DGKG: variants seen among roughly 807,000 people sequenced by gnomAD.
DGKG encodes DAG kinase gamma.
DGKG carries 78 observed loss-of-function variants against 105.3 expected under a neutral mutation model. The observed-to-expected ratio is 0.74, with a 90% CI of 0.62 to 0.89. DGKG has a LOEUF of 0.89. DGKG is among the 40% of genes least tolerant of loss of function. DGKG has a pLI of 0.00. For synonymous variants in DGKG, 346 were observed against 367.1 expected (o/e 0.94, Z 0.66); for missense variants, 958 against 1,020.1 (o/e 0.94, Z 0.83).
intron 2 of DGKG, among the ~76,000 whole-genome samples, chr3:186,314,216 C>G (rs1018561930): frequency 7.8e-6 from 1 of 127,820 alleles, no homozygotes; most frequent in African/African-American, 3.0e-5. Flanking sequence ...CACACACACA[C>G]ACACACACAT....
Position 186,164,987 on chromosome 3 carries a change from C to T in DGKG, c.2127G>A (p.Gly709=), listed in dbSNP as rs200869883. 1 of 1,613,426 alleles carries T rather than the reference C, an allele frequency of 6.2e-7. No homozygotes were observed. The highest frequency in any genetic ancestry group is 2.2e-5 in the East Asian group (1 of 44,850). The change falls in exon 23 of 25, where the codon GGG becomes GGA. Residue 709 remains glycine, a synonymous_variant. Coordinates refer to ENST00000265022, the MANE Select transcript of DGKG (RefSeq NM_001346.3). The part of the protein sequence containing the change: ...DLSDQLLEVV[G]LEGAMEMGQI... The stretch of plus-strand genomic sequence containing the variant: ...GCCCCATCTCCATGGCTCCTTCTAG[C>T]CCCACCACTTCAAGGAGCTGGTCAC...
At chr3:186,360,764 C>T (rs867017901) in intron 1 of DGKG, among the ~76,000 whole-genome samples, 2 of 152,220 alleles carry the variant, frequency 1.3e-5, no homozygotes, top group South Asian at 2.1e-4. Flanking sequence ...ATTCCCCCAT[C>T]CAGACCAGAG....
chr3:186,297,560 A>C, intron 4 of DGKG, 77 bp from the exon 5 acceptor site: 2 of 1,023,640 alleles, frequency 2.0e-6, no homozygotes, highest in Non-Finnish European at 3.1e-6. Flanking sequence ...GGACATCCCC[A>C]TGGGACCTGG....
In DGKG at chr3:186,147,615, C is replaced by A; in HGVS notation, c.*2475G>T. ...GGGATATGTCTCTCAAGCAACATTGCAAGTCCTGTGCACTAGGGTGCAGCA... is the reference window on the plus strand; with the variant it reads ...GGGATATGTCTCTCAAGCAACATTGAAAGTCCTGTGCACTAGGGTGCAGCA... On this transcript the variant is annotated 3_prime_UTR_variant, in exon 25 of 25. Coordinates refer to ENST00000265022, the MANE Select transcript of DGKG (RefSeq NM_001346.3). 1 of 985,448 alleles carries A rather than the reference C, an allele frequency of 1.0e-6. No homozygotes were observed. The highest frequency in any genetic ancestry group is 1.2e-6 in the Non-Finnish European group (1 of 829,940). The allele number at this position is 985,448 out of a possible 1,614,324, so 61.0% of individuals were successfully genotyped here.
At chr3:186,252,458 T>C (rs920781488) in intron 18 of DGKG, among the ~76,000 whole-genome samples, 11 of 152,252 alleles carry the variant, frequency 7.2e-5, no homozygotes, top group Non-Finnish European at 1.6e-4. Context: ...CTCCATGTGT[T>C]GAGCTGAACT....
intron 21 of DGKG, among the ~76,000 whole-genome samples, chr3:186,208,406 C>G (rs992000085): frequency 1.4e-5 from 2 of 147,060 alleles, no homozygotes; most frequent in East Asian, 4.0e-4. Context: ...GTTTCACCAT[C>G]CAACTTTTTA....
At chr3:186,301,832 G>A (rs1193957324) in intron 3 of DGKG, among the ~76,000 whole-genome samples, 1 of 152,142 alleles carries the variant, frequency 6.6e-6, no homozygotes, top group African/African-American at 2.4e-5. Context: ...TAGACCTTTG[G>A]TATTCATAGC....
Position 186,246,824 on chromosome 3 carries a change from G to A in DGKG, c.1762-4256C>T, listed in dbSNP as rs183734977. Among the ~76,000 whole-genome samples the A allele has an allele frequency of 3.0e-4, 46 of 152,304 alleles. No homozygotes were observed. In the East Asian group the frequency reaches 4.6e-3, roughly 15 times the overall value. On this transcript the variant is annotated intron_variant, in intron 19 of 24. Coordinates refer to ENST00000265022, the MANE Select transcript of DGKG (RefSeq NM_001346.3). ...CGATCTGCAAGGTGGAAAACGGTGC[G>A]TGGGTCAGTGCAACCACTGTGGCCT... is the stretch of plus-strand genomic sequence containing the variant.
rs183003113 is a variant in DGKG at position 186,340,401 on chromosome 3, T to A, written c.-248-19694A>T. Among the ~76,000 whole-genome samples, 301 of 152,246 alleles carry A rather than the reference T, an allele frequency of 2.0e-3. 1 individual carries two copies. The highest frequency in any genetic ancestry group is 7.0e-3 in the African/African-American group (290 of 41,542). On this transcript the variant is annotated intron_variant, in intron 1 of 24. Transcript: ENST00000265022. ...AGAGTTAGTCATTTGGCTGAATGTG[T>A]TTAATAAATTACAACCCAATTGGAG...
At chr3:186,183,374 C>T (rs1717451772) in intron 22 of DGKG, among the ~76,000 whole-genome samples, 1 of 152,200 alleles carries the variant, frequency 6.6e-6, no homozygotes, top group Admixed American at 6.5e-5. Flanking sequence ...TAAGTTAATA[C>T]ATGCAAAATT....
intron 22 of DGKG, among the ~76,000 whole-genome samples, chr3:186,176,867 T>G (rs56345733): frequency 7.9e-5 from 12 of 152,122 alleles, no homozygotes; most frequent in African/African-American, 2.9e-4. Flanking sequence ...CAAAGGTCCC[T>G]GCTGATGCCT....
In DGKG at chr3:186,149,896, G is replaced by A. The variant is rs1213523195; in HGVS notation, c.*194C>T. ...TGTTGGCACTGGCTCTGTTAGGGGT[G>A]TACCCACTGTTGAAACAGAATGTAT... is the stretch of plus-strand genomic sequence containing the variant. On this transcript the variant is annotated 3_prime_UTR_variant, in exon 25 of 25. Transcript: ENST00000265022. 1.4e-6 allele frequency: 2 copies of A among 1,402,698 alleles called. No individual in the cohort carries two copies. The highest frequency in any genetic ancestry group is 1.5e-5 in the African/African-American group (1 of 68,258). 86.9% of individuals were successfully genotyped at this position (1,402,698 alleles called of 1,614,324 possible).
At chr3:186,240,509 T>TATA (rs1190976051) in intron 20 of DGKG, among the ~76,000 whole-genome samples, 1 of 152,192 alleles carries the variant, frequency 6.6e-6, no homozygotes, top group East Asian at 1.9e-4. Flanking sequence ...CATGAGTACG[T>TATA]ATAAGGATAC....
Position 186,283,316 on chromosome 3 carries a change from C to T in DGKG, c.594+1344G>A, listed in dbSNP as rs144825304. 9.3e-3 allele frequency among the ~76,000 whole-genome samples: 1,416 copies of T among 152,244 alleles called. 27 individuals are homozygous for T. Among genetic ancestry groups the T allele is most frequent in the African/African-American group, 0.031 (1,307 of 41,520 alleles). ...TCCCCTATTACTTCCTCACTGTGAT[C>T]TCATCTGTTTACTCATTCTGCTCCA... On this transcript the variant is annotated intron_variant, in intron 7 of 24. Coordinates refer to ENST00000265022, the MANE Select transcript of DGKG (RefSeq NM_001346.3).
chr3:186,215,083 G>A (rs185622471), intron 20 of DGKG, among the ~76,000 whole-genome samples: 167 of 152,294 alleles, frequency 1.1e-3, no homozygotes, highest in Non-Finnish European at 5.3e-4. Context: ...AGACTGTGAA[G>A]GGTGGGCACG....
At chr3:186,307,738 A>G (rs1360044553) in intron 2 of DGKG, among the ~76,000 whole-genome samples, 4 of 152,208 alleles carry the variant, frequency 2.6e-5, no homozygotes, top group Admixed American at 6.5e-5. Context: ...TCTGAGTGAA[A>G]ATTTCAAAAC....
chr3:186,294,903 G>A (rs190339346), intron 5 of DGKG, among the ~76,000 whole-genome samples: 1 of 152,130 alleles, frequency 6.6e-6, no homozygotes, highest in African/African-American at 2.4e-5. Flanking sequence ...TGAAGCCTTC[G>A]GGAAGGCACA....
At chr3:186,325,981 T>G (rs1157960409) in intron 1 of DGKG, among the ~76,000 whole-genome samples, 2 of 152,180 alleles carry the variant, frequency 1.3e-5, no homozygotes, top group African/African-American at 2.4e-5. Context: ...ATCAGTCATT[T>G]CTCTAAGGAG....
chr3:186,260,489 C>T lies in DGKG; in HGVS notation c.1374G>A (p.Leu458=), dbSNP rs745832896. The T allele has an allele frequency of 1.2e-6, 2 of 1,612,306 alleles. No homozygotes were observed. Among genetic ancestry groups the T allele is most frequent in the Non-Finnish European group, 1.7e-6 (2 of 1,179,004 alleles). ...GERILRKFHY[L]LNPKQVFNLD... is the part of the protein sequence containing the mutation. Reference sequence around the variant, plus strand: ...GGTTGAAAACTTGTTTGGGGTTGAGCAGATAGTGGAATTTCCGAAGAATTC... The same window carrying T: ...GGTTGAAAACTTGTTTGGGGTTGAGTAGATAGTGGAATTTCCGAAGAATTC... Residue 458 remains leucine (L), a synonymous_variant, in exon 16 of 25, where the codon CTG becomes CTA. Coordinates refer to ENST00000265022, the MANE Select transcript of DGKG (RefSeq NM_001346.3).
Sources: allele counts gnomAD v4.1 joint callset (sites outside exome capture counted in the v4.1 genomes callset), GRCh38; gene constraint gnomAD v4.1.1; transcripts MANE v1.5; gene names NCBI Gene and HGNC (gene_info 2026-07-23, HGNC 2026-07-21).